The following C11orf65 variants were observed in gnomAD, a reference collection of about 807,000 sequenced individuals.
The protein encoded by C11orf65 is chromosome 11 open reading frame 65.
In C11orf65, 38 loss-of-function variants were observed where a neutral mutation model predicts 35.3. The observed-to-expected ratio is 1.08, with a 90% CI of 0.83 to 1.41. The LOEUF (loss-of-function observed/expected upper bound fraction) is 1.41, where lower values mean the gene tolerates loss of function less well. Ranked by LOEUF, C11orf65 falls within the 40% of genes most tolerant of loss-of-function variation. The pLI is 0.00. For synonymous variants in C11orf65, 105 were observed against 114.4 expected (o/e 0.92, Z 0.53); for missense variants, 370 against 367.1 (o/e 1.01, Z -0.06).
intron 6 of C11orf65, chr11:108,317,615 T>TTTTA (rs1225638961): frequency 2.3e-5 from 5 of 215,374 alleles, no homozygotes; most frequent in East Asian, 1.4e-4. Context: ...AGGAGTTGTT[T>TTTTA]TATATATATA....
Position 108,354,066 on chromosome 11 carries a change from CACAA to C in C11orf65, c.227-18778_227-18775del, listed in dbSNP as rs749741352. Among the ~76,000 whole-genome samples the C allele has an allele frequency of 0.067, 7,265 of 108,250 alleles. 197 individuals carry two copies. Among genetic ancestry groups the C allele is most frequent in the African/African-American group, 0.079 (2,162 of 27,300 alleles). 71.0% of individuals were successfully genotyped at this position (108,250 alleles called of 152,430 possible). On this transcript the variant is annotated intron_variant, in intron 2 of 3. Transcript: ENST00000524755. ...CCCTGTATCTAAAAAAATACACACA[CACAA>C]ACACACACACACACACACACACACA...
chr11:108,431,867 T>C (rs2092995135), intron 2 of C11orf65, 29 bp from the exon 3 acceptor site: 2 of 1,341,770 alleles, frequency 1.5e-6, no homozygotes, highest in East Asian at 2.4e-5. Context: ...GATTTCATGA[T>C]CAAAACTGGA....
chr11:108,325,342 A>G lies in C11orf65; in HGVS notation c.641-16271T>C. 1 of 1,609,884 alleles carries G rather than the reference A, an allele frequency of 6.2e-7. No homozygotes were observed. Among genetic ancestry groups the G allele is most frequent in the Non-Finnish European group, 8.5e-7 (1 of 1,178,936 alleles). ...ACACATAGACAACTCTCTGAAGTATATATTAAGTGGCAGAAACACTCCCAG... is the reference window on the plus strand; with the variant it reads ...ACACATAGACAACTCTCTGAAGTATGTATTAAGTGGCAGAAACACTCCCAG... On this transcript the variant is annotated intron_variant, in intron 6 of 6. Coordinates refer to the C11orf65 transcript ENST00000525729.
intron 2 of C11orf65, among the ~76,000 whole-genome samples, chr11:108,343,012 A>G (rs2087776585): frequency 6.6e-6 from 1 of 152,182 alleles, no homozygotes; most frequent in Non-Finnish European, 1.5e-5. Context: ...CAGGCTCTCA[A>G]ACATCTAGGC....
chr11:108,366,708 C>T (rs2091350660), intron 2 of C11orf65: 2 of 231,194 alleles, frequency 8.7e-6, no homozygotes, highest in Non-Finnish European at 1.7e-5. Context: ...GGAGATTTCC[C>T]AGGCCAAGGC....
chr11:108,373,180 TAAGA>T (rs1476275949), intron 2 of C11orf65, among the ~76,000 whole-genome samples: 6 of 152,208 alleles, frequency 3.9e-5, no homozygotes, highest in African/African-American at 1.4e-4. Flanking sequence ...TCTATCAATA[TAAGA>T]AAGAGGTAAA....
At chr11:108,454,185 G>A (rs1329888976) in intron 2 of C11orf65, among the ~76,000 whole-genome samples, 1 of 151,748 alleles carries the variant, frequency 6.6e-6, no homozygotes, top group Non-Finnish European at 1.5e-5. Context: ...TTTCTTCTAA[G>A]TTATCCTATT....
At chr11:108,390,910 TA>T (rs1435784563) in intron 7 of C11orf65, among the ~76,000 whole-genome samples, 1 of 152,212 alleles carries the variant, frequency 6.6e-6, no homozygotes, top group African/African-American at 2.4e-5. Flanking sequence ...CTTAGTCCTT[TA>T]TTTTTTATCT....
At chr11:108,326,348 T>C (rs2085688114) in intron 6 of C11orf65, 1 of 1,318,184 alleles carries the variant, frequency 7.6e-7, no homozygotes, top group Admixed American at 2.5e-5. Context: ...ATTAACAAGA[T>C]ATTGTAAAAC....
At chr11:108,460,818 C>G (rs1389098637) in intron 2 of C11orf65, among the ~76,000 whole-genome samples, 2 of 152,030 alleles carry the variant, frequency 1.3e-5, no homozygotes, top group African/African-American at 4.8e-5. Context: ...CTCCGCCTCC[C>G]AAGTTCAAGT....
intron 2 of C11orf65, among the ~76,000 whole-genome samples, chr11:108,438,776 C>T (rs535522418): frequency 1.2e-4 from 19 of 152,032 alleles, no homozygotes; most frequent in Admixed American, 4.6e-4. Flanking sequence ...GAGGCCAAGG[C>T]GGGCAGATCA....
chr11:108,382,443 A>C (rs1000736944), downstream of C11orf65, among the ~76,000 whole-genome samples: 6 of 152,214 alleles, frequency 3.9e-5, no homozygotes, highest in Non-Finnish European at 8.8e-5. Flanking sequence ...TAAAGAGAAA[A>C]ATGTAAACAA....
At chr11:108,466,491 T>C (rs962583260) in intron 1 of C11orf65, among the ~76,000 whole-genome samples, 2 of 152,152 alleles carry the variant, frequency 1.3e-5, no homozygotes, top group African/African-American at 2.4e-5. Context: ...GGAGAATAAC[T>C]TGAACCCAGG....
intron 3 of C11orf65, among the ~76,000 whole-genome samples, chr11:108,428,433 T>G (rs189397986): frequency 6.6e-6 from 1 of 152,126 alleles, no homozygotes; most frequent in Non-Finnish European, 1.5e-5. Flanking sequence ...AATGACAGAC[T>G]GGATAAAGAA....
intron 2 of C11orf65, among the ~76,000 whole-genome samples, chr11:108,433,199 G>A (rs1018622439): frequency 6.6e-6 from 1 of 151,366 alleles, no homozygotes; most frequent in Admixed American, 6.6e-5. Flanking sequence ...GCTCACGCCT[G>A]TAATCCCAGC....
At chr11:108,324,425 C>CAGTCTT (rs1349103142) in intron 6 of C11orf65, among the ~76,000 whole-genome samples, 1 of 151,988 alleles carries the variant, frequency 6.6e-6, no homozygotes, top group Non-Finnish European at 1.5e-5. Flanking sequence ...AGATTTTTCT[C>CAGTCTT]AGTCTTTCTA....
chr11:108,352,020 C>T (rs1416687804), intron 2 of C11orf65, among the ~76,000 whole-genome samples: 1 of 152,110 alleles, frequency 6.6e-6, no homozygotes, highest in Non-Finnish European at 1.5e-5. Context: ...CCTTACCTAG[C>T]AGTAACAAGG....
Position 108,436,836 on chromosome 11 carries a change from A to G in C11orf65, c.82-4998T>C, listed in dbSNP as rs566043149. ...AATGCCATCTGAGTGCTGAGGGGGG[A>G]AAAATCCCAATAACATGCCAGTCCA... On this transcript the variant is annotated intron_variant, in intron 2 of 8. Transcript: ENST00000393084. 3.3e-5 allele frequency among the ~76,000 whole-genome samples: 5 copies of G among 152,270 alleles called. No individual in the cohort carries two copies. The East Asian group carries it at 9.6e-4, about 29-fold the overall frequency.
At chr11:108,383,980 A>C (rs1401749873) in intron 8 of C11orf65, among the ~76,000 whole-genome samples, 3 of 150,606 alleles carry the variant, frequency 2.0e-5, no homozygotes, top group Non-Finnish European at 4.4e-5. Context: ...CTCCCGCCTC[A>C]GCTTCCCAAG....
Sources: allele counts gnomAD v4.1 joint callset (sites outside exome capture counted in the v4.1 genomes callset), GRCh38; gene constraint gnomAD v4.1.1; transcripts MANE v1.5; gene names NCBI Gene and HGNC (gene_info 2026-07-23, HGNC 2026-07-21).